The following ASAP1 variants were observed in gnomAD, a reference collection of about 807,000 sequenced individuals.
ASAP1 encodes the protein arf-GAP with SH3 domain, ANK repeat and PH domain-containing protein 1.
Under a neutral mutation model 145.2 loss-of-function variants are expected in ASAP1, and 43 were observed. The ratio of observed to expected loss-of-function variants is 0.30; its 90% CI spans 0.23 to 0.38. ASAP1 has a LOEUF of 0.38. Ranked by LOEUF, ASAP1 falls within the 10% of genes least tolerant of loss-of-function variation. The probability of loss-of-function intolerance (pLI) is 1.00; values close to 1 mark genes in which losing one functional copy is unlikely to be tolerated. For missense variants in ASAP1, 1,018 were observed against 1,355.3 expected (o/e 0.75, Z 3.91); for synonymous variants, 546 against 515.5 (o/e 1.06, Z -0.80).
chr8:130,103,296 T>C (rs540431994), intron 24 of ASAP1, among the ~76,000 whole-genome samples: 4 of 152,080 alleles, frequency 2.6e-5, no homozygotes, highest in Admixed American at 6.5e-5. Flanking sequence ...GTCTTCTCCC[T>C]TCTTTTCTTG....
intron 1 of ASAP1, among the ~76,000 whole-genome samples, chr8:130,442,037 C>A (rs1279226719): frequency 2.6e-5 from 4 of 152,102 alleles, no homozygotes; most frequent in Non-Finnish European, 5.9e-5. Flanking sequence ...ACTTCAAATC[C>A]ATTTGGTAGC....
At chr8:130,104,500 T>C (rs1212564419) in intron 24 of ASAP1, among the ~76,000 whole-genome samples, 1 of 152,168 alleles carries the variant, frequency 6.6e-6, no homozygotes, top group African/African-American at 2.4e-5. Context: ...TACTAGCCAA[T>C]CAGGACAAAT....
rs532018189 is a variant in ASAP1 at position 130,238,194 on chromosome 8, A to G, written c.187-1200T>C. 9.9e-5 allele frequency among the ~76,000 whole-genome samples: 15 copies of G among 152,172 alleles called. No homozygotes were observed. The South Asian group carries it at 2.9e-3, about 29-fold the overall frequency. ...CCCAGTGTCTGGCCAGGTGAGCACC[A>G]GACTCATACTGGACTCAACGTCATT... On this transcript the variant is annotated intron_variant, in intron 3 of 29. Coordinates refer to ENST00000518721, the MANE Select transcript of ASAP1 (RefSeq NM_018482.4).
intron 13 of ASAP1, among the ~76,000 whole-genome samples, chr8:130,143,082 T>C (rs1482267562): frequency 6.6e-6 from 1 of 152,200 alleles, no homozygotes; most frequent in Non-Finnish European, 1.5e-5. Flanking sequence ...AATTATTCAG[T>C]GCAGAAATTT....
Position 130,098,970 on chromosome 8 carries a change from A to G in ASAP1, c.2402-6827T>C, listed in dbSNP as rs142937267. ...CCAGAACTCTAATAACCTCTCTTAT[A>G]CTCTCTACTAATATAAGCTCAATAC... On this transcript the variant is annotated intron_variant, in intron 24 of 29. Coordinates refer to ENST00000518721, the MANE Select transcript of ASAP1 (RefSeq NM_018482.4). Among the ~76,000 whole-genome samples the G allele has an allele frequency of 1.0e-4, 15 of 145,856 alleles. 1 individual carries two copies. The highest frequency in any genetic ancestry group is 8.7e-4 in the South Asian group (4 of 4,588).
intron 3 of ASAP1, among the ~76,000 whole-genome samples, chr8:130,335,370 T>G (rs1257626673): frequency 2.6e-5 from 4 of 152,150 alleles, no homozygotes. Context: ...AAACCAAGGC[T>G]TGGAGAAACT....
chr8:130,218,987 T>G (rs1467574742), intron 4 of ASAP1, among the ~76,000 whole-genome samples: 1 of 152,010 alleles, frequency 6.6e-6, no homozygotes, highest in Non-Finnish European at 1.5e-5. Flanking sequence ...TTTAGTAAGA[T>G]ATATCTTGGG....
At chr8:130,079,010 A>G (rs2097471796) in intron 26 of ASAP1, among the ~76,000 whole-genome samples, 1 of 151,224 alleles carries the variant, frequency 6.6e-6, no homozygotes, top group Non-Finnish European at 1.5e-5. Flanking sequence ...CTTGGGCAAC[A>G]TGCTGAGGCC....
At chr8:130,406,340 G>A (rs1050898603) in intron 1 of ASAP1, among the ~76,000 whole-genome samples, 1 of 152,174 alleles carries the variant, frequency 6.6e-6, no homozygotes, top group African/African-American at 2.4e-5. Flanking sequence ...TGATAATGAT[G>A]ATGACAGCTT....
At chr8:130,141,217 T>C (rs975214374) in intron 13 of ASAP1, among the ~76,000 whole-genome samples, 2 of 152,218 alleles carry the variant, frequency 1.3e-5, no homozygotes, top group Non-Finnish European at 2.9e-5. Context: ...TATTGAGTCC[T>C]TGCTGTTGAT....
At chr8:130,305,828 T>C (rs1251730008) in intron 3 of ASAP1, among the ~76,000 whole-genome samples, 2 of 152,210 alleles carry the variant, frequency 1.3e-5, no homozygotes, top group Non-Finnish European at 1.5e-5. Flanking sequence ...TGGACTTTAC[T>C]ACCAGCTGTT....
chr8:130,245,150 T>A (rs1345211510), intron 3 of ASAP1, among the ~76,000 whole-genome samples: 1 of 152,112 alleles, frequency 6.6e-6, no homozygotes, highest in Non-Finnish European at 1.5e-5. Context: ...TTAATATGAG[T>A]TGATTGAGGC....
chr8:130,146,495 G>C (rs139643704), intron 13 of ASAP1, among the ~76,000 whole-genome samples: 2 of 152,068 alleles, frequency 1.3e-5, no homozygotes, highest in South Asian at 2.1e-4. Flanking sequence ...CTGTTGGAGC[G>C]AAGAAAAATA....
chr8:130,170,190 A>G (rs553954025), intron 9 of ASAP1, among the ~76,000 whole-genome samples: 3 of 82,314 alleles, frequency 3.6e-5, no homozygotes, highest in East Asian at 7.4e-4. Flanking sequence ...TTTAAGGAAT[A>G]TCTTTTTTTT....
chr8:130,111,028 G>A (rs904148030), intron 24 of ASAP1, among the ~76,000 whole-genome samples: 4 of 151,846 alleles, frequency 2.6e-5, no homozygotes, highest in Non-Finnish European at 4.4e-5. Context: ...AGCCTGAGGC[G>A]CCAGCCCTGT....
Position 130,134,346 on chromosome 8 carries a change from TA to T in ASAP1, c.1169-3del. 6.4e-7 allele frequency: 1 copy of T among 1,551,232 alleles called. No individual in the cohort carries two copies. The highest frequency in any genetic ancestry group is 8.7e-7 in the Non-Finnish European group (1 of 1,147,078). On this transcript the variant is annotated splice_region_variant and splice_polypyrimidine_tract_variant and intron_variant, in intron 14 of 29. Coordinates refer to ENST00000518721, the MANE Select transcript of ASAP1 (RefSeq NM_018482.4). ...CCTGAAAGTGATATGTTCTATTATC[TA>T]AAATAAAAAAAAAGAAAAATAAGTG...
chr8:130,426,702 T>A (rs895151091), intron 1 of ASAP1, among the ~76,000 whole-genome samples: 1 of 152,234 alleles, frequency 6.6e-6, no homozygotes, highest in Admixed American at 6.5e-5. Flanking sequence ...AACTGCCGTG[T>A]GCTCACTCCC....
chr8:130,395,149 A>G (rs1828468664), intron 2 of ASAP1, among the ~76,000 whole-genome samples: 1 of 152,188 alleles, frequency 6.6e-6, no homozygotes, highest in African/African-American at 2.4e-5. Context: ...ATCTGGAAGC[A>G]CTCACTCAGA....
chr8:130,378,546 C>T (rs1329543012), intron 2 of ASAP1, among the ~76,000 whole-genome samples: 2 of 152,206 alleles, frequency 1.3e-5, no homozygotes, highest in African/African-American at 2.4e-5. Flanking sequence ...ACAAATAACA[C>T]GTGCAGGGAG....
Sources: allele counts gnomAD v4.1 joint callset (sites outside exome capture counted in the v4.1 genomes callset), GRCh38; gene constraint gnomAD v4.1.1; transcripts MANE v1.5; gene names NCBI Gene and HGNC (gene_info 2026-07-23, HGNC 2026-07-21).